GUCY1A2: variants seen among roughly 807,000 people sequenced by gnomAD.
The protein encoded by GUCY1A2 is guanylate cyclase soluble subunit alpha-2.
GUCY1A2 carries 27 observed loss-of-function variants against 63.5 expected under a neutral mutation model. That is an observed-to-expected ratio of 0.43 (90% confidence interval 0.31 to 0.59). The LOEUF is 0.59. Among genes scored for constraint, GUCY1A2 ranks in the 20% least tolerant of loss-of-function variants. The probability of loss-of-function intolerance (pLI) is 0.11; values close to 1 mark genes in which losing one functional copy is unlikely to be tolerated. For synonymous variants in GUCY1A2, 364 were observed against 343.5 expected (o/e 1.06, Z -0.66); for missense variants, 768 against 913.3 (o/e 0.84, Z 2.05).
chr11:106,766,377 T>A (rs1864162853), intron 6 of GUCY1A2, among the ~76,000 whole-genome samples: 2 of 152,142 alleles, frequency 1.3e-5, no homozygotes, highest in African/African-American at 2.4e-5. Context: ...TTATTCAGTT[T>A]TTAAAATAAT....
Position 106,675,044 on chromosome 11 carries a change from G to A in GUCY1A2, c.*12505C>T. 1 of 211,870 alleles carries A rather than the reference G, an allele frequency of 4.7e-6. No individual in the cohort carries two copies. Among genetic ancestry groups the A allele is most frequent in the East Asian group, 7.1e-5 (1 of 14,168 alleles). 13.1% of individuals were successfully genotyped at this position (211,870 alleles called of 1,614,324 possible). ...AGGATGATATTTAAAGTACTGTTTG[G>A]GAAATGAGACCCTTTGGTTTTGTAA... On this transcript the variant is annotated 3_prime_UTR_variant, in exon 8 of 8. Transcript: ENST00000526355.
chr11:106,893,302 C>T (rs1859999126), intron 4 of GUCY1A2, among the ~76,000 whole-genome samples: 1 of 151,958 alleles, frequency 6.6e-6, no homozygotes, highest in African/African-American at 2.4e-5. Context: ...ACCACTGAAT[C>T]AAAAACATGT....
intron 3 of GUCY1A2, among the ~76,000 whole-genome samples, chr11:106,971,606 A>G (rs965466587): frequency 1.3e-5 from 2 of 152,164 alleles, no homozygotes; most frequent in African/African-American, 4.8e-5. Flanking sequence ...AGAATGATCC[A>G]TATGGTAATG....
At chr11:106,989,684 A>G (rs549250479) in intron 1 of GUCY1A2, among the ~76,000 whole-genome samples, 2 of 152,332 alleles carry the variant, frequency 1.3e-5, no homozygotes, top group African/African-American at 4.8e-5. Flanking sequence ...GATACTTCTC[A>G]TTATGAGAAG....
intron 6 of GUCY1A2, among the ~76,000 whole-genome samples, chr11:106,722,879 G>GGTTT (rs1863341262): frequency 1.3e-5 from 2 of 151,682 alleles, no homozygotes; most frequent in African/African-American, 4.8e-5. Context: ...GGTTAGCACT[G>GGTTT]GTTTGTTTTG....
rs929647427 is a variant in GUCY1A2, at chr11:106,827,501, G to A, written c.1207-17023C>T. On this transcript the variant is annotated intron_variant, in intron 4 of 7. Transcript: ENST00000526355. ...AATTCCTGAGCACTGTCTGTATCAC[G>A]GATTCCTAATACATAAGGATTTCCT... 2.7e-5 allele frequency: 40 copies of A among 1,465,584 alleles called. 1 individual carries two copies. Among genetic ancestry groups the A allele is most frequent in the Admixed American group, 1.2e-4 (7 of 59,790 alleles). The allele number at this position is 1,465,584 out of a possible 1,614,324, so 90.8% of individuals were successfully genotyped here. A position where few individuals can be genotyped will look rare whatever the true frequency, so the allele number is the denominator to read the frequency against.
chr11:106,978,403 T>C (rs751612823), intron 3 of GUCY1A2, among the ~76,000 whole-genome samples: 26 of 152,188 alleles, frequency 1.7e-4, no homozygotes, highest in Non-Finnish European at 3.1e-4. Context: ...TTTAAGTATT[T>C]TTGTTTTGAT....
chr11:106,816,046 G>A (rs1156388856), intron 4 of GUCY1A2, among the ~76,000 whole-genome samples: 1 of 151,540 alleles, frequency 6.6e-6, no homozygotes, highest in Non-Finnish European at 1.5e-5. Context: ...ATTTGTTACA[G>A]TAGCCACAGA....
At chr11:106,893,239 C>T (rs1217412348) in intron 4 of GUCY1A2, among the ~76,000 whole-genome samples, 1 of 152,030 alleles carries the variant, frequency 6.6e-6, no homozygotes, top group Non-Finnish European at 1.5e-5. Context: ...TTTGGCTAAG[C>T]CAGAAAGGAC....
At chr11:106,862,389 A>ATAT (rs1565313010) in intron 4 of GUCY1A2, among the ~76,000 whole-genome samples, 2 of 151,990 alleles carry the variant, frequency 1.3e-5, no homozygotes, top group Non-Finnish European at 2.9e-5. Flanking sequence ...ATGGTAGCTG[A>ATAT]TATCATCATC....
At chr11:106,875,308 G>T (rs868218596) in intron 4 of GUCY1A2, among the ~76,000 whole-genome samples, 13 of 152,276 alleles carry the variant, frequency 8.5e-5, no homozygotes, top group African/African-American at 3.1e-4. Context: ...GGACCTTGAA[G>T]AGACTTTGGA....
chr11:106,899,014 C>T (rs897911897), intron 4 of GUCY1A2, among the ~76,000 whole-genome samples: 10 of 152,044 alleles, frequency 6.6e-5, no homozygotes, highest in Non-Finnish European at 5.9e-5. Flanking sequence ...TAAAACTACT[C>T]GAAAACATGA....
At chr11:106,957,171 G>C (rs910874384) in intron 3 of GUCY1A2, among the ~76,000 whole-genome samples, 1 of 152,210 alleles carries the variant, frequency 6.6e-6, no homozygotes, top group African/African-American at 2.4e-5. Flanking sequence ...TGGAGCTATA[G>C]AAATGGGTGT....
At chr11:106,816,480 G>C (rs1232559912) in intron 4 of GUCY1A2, among the ~76,000 whole-genome samples, 2 of 151,680 alleles carry the variant, frequency 1.3e-5, no homozygotes, top group African/African-American at 4.8e-5. Context: ...AAGCAGTGAA[G>C]AGAGTGCTTA....
intron 1 of GUCY1A2, among the ~76,000 whole-genome samples, chr11:106,996,279 A>T (rs1374289106): frequency 6.6e-6 from 1 of 152,212 alleles, no homozygotes; most frequent in East Asian, 1.9e-4. Flanking sequence ...TTTATGAAAC[A>T]TTATATCTAA....
chr11:106,856,859 C>T (rs1859443548), intron 4 of GUCY1A2, among the ~76,000 whole-genome samples: 1 of 152,164 alleles, frequency 6.6e-6, no homozygotes, highest in Non-Finnish European at 1.5e-5. Flanking sequence ...TACTTGGTGT[C>T]TTTATAAGAA....
At chr11:106,788,833 T>C (rs1864610748) in intron 5 of GUCY1A2, among the ~76,000 whole-genome samples, 1 of 152,204 alleles carries the variant, frequency 6.6e-6, no homozygotes, top group Non-Finnish European at 1.5e-5. Flanking sequence ...AGTCAGGTAT[T>C]GTAATTCCTT....
intron 4 of GUCY1A2, among the ~76,000 whole-genome samples, chr11:106,840,606 C>T (rs945894263): frequency 6.6e-6 from 1 of 151,936 alleles, no homozygotes; most frequent in African/African-American, 2.4e-5. Context: ...TAAGAATACA[C>T]ACATACATAC....
chr11:106,968,533 C>T (rs1417543646), intron 3 of GUCY1A2, among the ~76,000 whole-genome samples: 1 of 152,292 alleles, frequency 6.6e-6, no homozygotes, highest in East Asian at 1.9e-4. Flanking sequence ...ACTTCAGTAT[C>T]CTTGCTTATG....
Sources: gnomAD v4.1 joint callset for allele counts (sites outside exome capture counted in the v4.1 genomes callset) on GRCh38, gnomAD v4.1.1 for gene constraint, MANE v1.5 for transcripts, NCBI Gene and HGNC (gene_info 2026-07-23, HGNC 2026-07-21) for gene names.